ZNFX1: variants seen among roughly 807,000 people sequenced by gnomAD.
The protein encoded by ZNFX1 is zinc finger NFX1-type containing 1.
A neutral mutation model predicts 179.8 loss-of-function variants in ZNFX1; 78 were observed. The ratio of observed to expected loss-of-function variants is 0.43; its 90% CI spans 0.36 to 0.52. ZNFX1 has a LOEUF of 0.52. Ranked by LOEUF, ZNFX1 falls within the 20% of genes least tolerant of loss-of-function variation. The probability of loss-of-function intolerance (pLI) is 0.00; values close to 1 mark genes in which losing one functional copy is unlikely to be tolerated. For missense variants in ZNFX1, 1,927 were observed against 2,386.6 expected (o/e 0.81, Z 4.01); for synonymous variants, 848 against 868.5 (o/e 0.98, Z 0.42).
chr20:49,258,459 T>A (rs1157459848), intron 7 of ZNFX1, among the ~76,000 whole-genome samples: 1 of 152,168 alleles, frequency 6.6e-6, no homozygotes, highest in Non-Finnish European at 1.5e-5. Context: ...AAGGTCTCCT[T>A]ATATACTTTT....
At position 49,248,063 on chromosome 20, in the gene ZNFX1, G is replaced by C. The variant is rs1257216885; in HGVS notation, c.4961C>G (p.Ala1654Gly). The change falls in exon 14 of 14, where the codon GCA becomes GGA. Residue 1654 changes from alanine to glycine, a missense_variant. Coordinates refer to ENST00000396105, the MANE Select transcript of ZNFX1 (RefSeq NM_021035.3). This position sits in a 1 kb window ranked among gnomAD's most constrained non-coding sequence, Gnocchi z 4.6. ...EIIKEKIQGS[A>G]GEIATSQERL... ...TTCCTGGCTGGTTGCTATTTCCCCT[G>C]CTGAGCCCTGGATCTTTTCCTTGAT... is the stretch of plus-strand genomic sequence containing the variant. The C allele has an allele frequency of 6.2e-7, 1 of 1,614,134 alleles. No individual in the cohort carries two copies. Among genetic ancestry groups the C allele is most frequent in the South Asian group, 1.1e-5 (1 of 91,086 alleles).
rs374693523 is a variant in ZNFX1 at position 49,247,223 on chromosome 20, A to G, written c.*44T>C. The G allele has an allele frequency of 2.9e-5, 45 of 1,548,036 alleles. No homozygotes were observed. Among genetic ancestry groups the G allele is most frequent in the Admixed American group, 1.8e-4 (9 of 50,594 alleles). On this transcript the variant is annotated 3_prime_UTR_variant, in exon 14 of 14. Transcript: ENST00000396105. The stretch of plus-strand genomic sequence containing the variant: ...GTTCCTTCATTAGGGAGCTGGCCCC[A>G]GTCATTCAGTGGCGAGGGCAAAAGG...
intron 2 of ZNFX1, among the ~76,000 whole-genome samples, chr20:49,272,537 A>G (rs1369047570): frequency 1.3e-5 from 2 of 152,216 alleles, no homozygotes; most frequent in African/African-American, 2.4e-5. Flanking sequence ...TACTGGACAC[A>G]TTAAAAACTC....
rs1315566431 is a variant in ZNFX1, at chr20:49,270,312, A to C, written c.1500T>G (p.Ser500=). 1 of 1,614,116 alleles carries C rather than the reference A, an allele frequency of 6.2e-7. No individual in the cohort carries two copies. Among genetic ancestry groups the C allele is most frequent in the Admixed American group, 1.7e-5 (1 of 60,022 alleles). The part of the protein sequence containing the change: ...SQQLLAEVQP[S]DSFLMVETTA... ...TTGTCTCTACCATGAGGAAAGAGTCAGAGGGCTGGACCTCTGCTAGCAGCT... is the reference window on the plus strand; with the variant it reads ...TTGTCTCTACCATGAGGAAAGAGTCCGAGGGCTGGACCTCTGCTAGCAGCT... The change falls in exon 3 of 14, where the codon TCT becomes TCG. Residue 500 remains serine (S), a synonymous_variant. Coordinates refer to ENST00000396105, the MANE Select transcript of ZNFX1 (RefSeq NM_021035.3). This position sits in a 1 kb window ranked among gnomAD's most constrained non-coding sequence, Gnocchi z 4.6.
intron 2 of ZNFX1, among the ~76,000 whole-genome samples, chr20:49,273,316 T>C (rs1047330413): frequency 7.9e-5 from 12 of 151,914 alleles, no homozygotes; most frequent in Non-Finnish European, 1.8e-4. Context: ...GTGTTTTTAG[T>C]AGAGATGGGG....
At position 49,270,659 on chromosome 20, in the gene ZNFX1, G is replaced by A. The variant is rs766858441; in HGVS notation, c.1153C>T (p.Arg385Trp). The change falls in exon 3 of 14, where the codon CGG becomes TGG. Residue 385 changes from arginine (R) to tryptophan (W), a missense_variant. Physicochemically the swap from Arg to Trp is moderately radical, Grantham distance 101. Transcript: ENST00000396105. The surrounding 1 kb of genome is among the most constrained non-coding windows in gnomAD (Gnocchi z 4.6). Reference sequence around the variant, plus strand: ...TGGAGAAGTTCCAAAATACCTTCCCGTAAAGGTCTGACGAAATCTTCTCGC... The same window carrying A: ...TGGAGAAGTTCCAAAATACCTTCCCATAAAGGTCTGACGAAATCTTCTCGC... The part of the protein sequence containing the change: ...LLREDFVRPL[R>W]EGILELLQSF... The A allele has an allele frequency of 2.5e-6, 4 of 1,614,102 alleles. No homozygotes were observed. The highest frequency in any genetic ancestry group is 1.3e-5 in the African/African-American group (1 of 75,008).
Position 49,249,314 on chromosome 20 carries a change from A to G in ZNFX1, c.3710T>C (p.Leu1237Pro), listed in dbSNP as rs1726530905. The G allele has an allele frequency of 6.2e-7, 1 of 1,614,144 alleles. No homozygotes were observed. The highest frequency in any genetic ancestry group is 8.5e-7 in the Non-Finnish European group (1 of 1,180,048). The part of the protein sequence containing the change: ...GMYCIGNMQM[L>P]AKVPLWSKII... The stretch of plus-strand genomic sequence containing the variant: ...CTTGCTCCACAGGGGCACCTTGGCC[A>G]GCATCTGCATGTTTCCGATGCAGTA... Residue 1237 changes from leucine to proline, a missense_variant, in exon 14 of 14, where the codon CTG becomes CCG. Transcript: ENST00000396105.
In ZNFX1 at chr20:49,247,919, A is replaced by G. The variant is rs200900925; in HGVS notation, c.5105T>C (p.Val1702Ala). The G allele has an allele frequency of 5.6e-5, 91 of 1,614,110 alleles. 1 individual carries two copies. The African/African-American group carries it at 9.1e-4, about 16-fold the overall frequency. Reference sequence around the variant, plus strand: ...GTCATAGAAGCTGATGTAATTCTCAACCAGACCCAGGTCCTTCACTGACAG... The same window carrying G: ...GTCATAGAAGCTGATGTAATTCTCAGCCAGACCCAGGTCCTTCACTGACAG... Reference protein sequence around the residue: ...KNLSVKDLGLVENYISFYDHL... With the variant: ...KNLSVKDLGLAENYISFYDHL... The change falls in exon 14 of 14, where the codon GTT becomes GCT. Residue 1702 changes from valine (V) to alanine (A), a missense_variant. Val to Ala is a moderately conservative substitution (Grantham distance 64). Coordinates refer to ENST00000396105, the MANE Select transcript of ZNFX1 (RefSeq NM_021035.3).
chr20:49,264,236 T>C (rs1280516991), intron 5 of ZNFX1, among the ~76,000 whole-genome samples: 3 of 152,096 alleles, frequency 2.0e-5, no homozygotes, highest in East Asian at 3.9e-4. Flanking sequence ...AAAGAAATAA[T>C]GTTGGCACTC....
In ZNFX1 at chr20:49,247,089, G is replaced by C. The variant is rs1316861308; in HGVS notation, c.*178C>G. On this transcript the variant is annotated 3_prime_UTR_variant, in exon 14 of 14. Transcript: ENST00000396105. ...TCGCCATGTTGGTCAGGCTGGTCTC[G>C]AACTCCTGACCTCGTGATCCGCCTG... is the stretch of plus-strand genomic sequence containing the variant. The C allele has an allele frequency of 3.9e-6, 3 of 762,962 alleles. No individual in the cohort carries two copies. Among genetic ancestry groups the C allele is most frequent in the Non-Finnish European group, 6.1e-6 (3 of 487,944 alleles). 47.3% of individuals were successfully genotyped at this position (762,962 alleles called of 1,614,324 possible).
rs1411495509 is a variant in ZNFX1 at position 49,267,875 on chromosome 20, G to GT, written c.1871-1610dup. ...CTTAGCTTTCTTCATCCGTATAACA[G>GT]TTTTGTTTTTTTTTTTGAGGTGGAG... On this transcript the variant is annotated intron_variant, in intron 3 of 13. Coordinates refer to ENST00000396105, the MANE Select transcript of ZNFX1 (RefSeq NM_021035.3). Among the ~76,000 whole-genome samples the GT allele has an allele frequency of 7.2e-4, 53 of 73,956 alleles. 1 individual carries two copies. The South Asian group carries it at 0.011, about 16-fold the overall frequency. 48.5% of individuals were successfully genotyped at this position (73,956 alleles called of 152,430 possible). A position where few individuals can be genotyped will look rare whatever the true frequency, so the allele number is the denominator to read the frequency against.
intron 2 of ZNFX1, among the ~76,000 whole-genome samples, chr20:49,275,002 AATCCCAGCT>A (rs1981515974): frequency 6.6e-6 from 1 of 151,444 alleles, no homozygotes; most frequent in South Asian, 2.1e-4. Context: ...GGGCACCTGT[AATCCCAGCT>A]ACTTGGGAGG....
intron 12 of ZNFX1, 122 bp from the exon 13 acceptor site, chr20:49,251,744 T>G: frequency 1.4e-6 from 1 of 705,344 alleles, no homozygotes; most frequent in Non-Finnish European, 2.3e-6. Flanking sequence ...GTATCTGTAA[T>G]CCCATCACTT....
At chr20:49,277,322 C>T (rs1464010731) in intron 1 of ZNFX1, among the ~76,000 whole-genome samples, 1 of 148,756 alleles carries the variant, frequency 6.7e-6, no homozygotes. Flanking sequence ...GGTCAGGGAG[C>T]GCCAAGGCTG....
chr20:49,255,318 A>C (rs1980942704), intron 9 of ZNFX1, among the ~76,000 whole-genome samples: 1 of 151,410 alleles, frequency 6.6e-6, no homozygotes, highest in Non-Finnish European at 1.5e-5. Flanking sequence ...GCTAGCATTA[A>C]AGGCGTGAGC....
rs1223848141 is a variant in ZNFX1, at chr20:49,249,608, T to C, written c.3416A>G (p.Glu1139Gly). ...QNQHEAHFVV[E>G]LCKYFLCQEY... ...CTGGCACAGGAAGTACTTGCACAGC[T>C]CTACCACAAAGTGAGCCTCATGCTG... Residue 1139 changes from glutamate to glycine, a missense_variant, in exon 14 of 14, where the codon GAG becomes GGG. Transcript: ENST00000396105. The C allele has an allele frequency of 6.2e-7, 1 of 1,614,108 alleles. No individual in the cohort carries two copies. Among genetic ancestry groups the C allele is most frequent in the African/African-American group, 1.3e-5 (1 of 74,936 alleles).
intron 6 of ZNFX1, among the ~76,000 whole-genome samples, chr20:49,261,489 A>G (rs1319609718): frequency 1.3e-5 from 2 of 152,178 alleles, no homozygotes; most frequent in Non-Finnish European, 2.9e-5. Context: ...GTTCTCACTT[A>G]TAAGTTAAAT....
chr20:49,254,022 CTTTTTTCT>C (rs1410641104), intron 10 of ZNFX1, among the ~76,000 whole-genome samples: 2 of 69,482 alleles, frequency 2.9e-5, no homozygotes, highest in African/African-American at 9.6e-5. Flanking sequence ...GAGTGAATTT[CTTTTTTCT>C]TTTTTTTTTT....
Position 49,257,606 on chromosome 20 carries a change from G to C in ZNFX1, c.2475C>G (p.Ile825Met). 6.2e-7 allele frequency: 1 copy of C among 1,613,632 alleles called. No individual in the cohort carries two copies. The highest frequency in any genetic ancestry group is 1.3e-5 in the African/African-American group (1 of 74,846). ...EGEEESSLIE[I>M]AEEADLIQAD... ...CTTGAATCAGGTCAGCTTCCTCTGC[G>C]ATCTCTATCAGCGAACTCTCCTCCT... The change falls in exon 8 of 14, where the codon ATC becomes ATG. Residue 825 changes from isoleucine to methionine, a missense_variant. By Grantham distance (10) the Ile-to-Met change is conservative. Coordinates refer to ENST00000396105, the MANE Select transcript of ZNFX1 (RefSeq NM_021035.3).
Sources: allele counts gnomAD v4.1 joint callset (sites outside exome capture counted in the v4.1 genomes callset), GRCh38; gene constraint gnomAD v4.1.1; non-coding constraint Gnocchi (gnomAD v3.1); transcripts MANE v1.5; gene names NCBI Gene and HGNC (gene_info 2026-07-23, HGNC 2026-07-21).